Variants in CYP46A1 observed in about 807,000 individuals in gnomAD.
CYP46A1 encodes cholesterol 24-hydroxylase.
A neutral mutation model predicts 63.3 loss-of-function variants in CYP46A1; 20 were observed. The observed-to-expected ratio is 0.32, with a 90% CI of 0.22 to 0.46. CYP46A1 has a LOEUF of 0.46. Ranked by LOEUF, CYP46A1 falls within the 20% of genes least tolerant of loss-of-function variation. The pLI is 1.00. For missense variants in CYP46A1, 445 were observed against 670.8 expected, an observed-to-expected ratio of 0.66 and a Z score of 3.72; for synonymous variants, 268 against 273.6, an observed-to-expected ratio of 0.98 and a Z score of 0.20.
Position 99,722,690 on chromosome 14 carries a change from T to C in CYP46A1, c.1176+624T>C, listed in dbSNP as rs148260268. 2.6e-3 allele frequency among the ~76,000 whole-genome samples: 384 copies of C among 149,070 alleles called. 2 individuals are homozygous for C. The highest frequency in any genetic ancestry group is 9.0e-3 in the African/African-American group (371 of 41,034). On this transcript the variant is annotated intron_variant, in intron 12 of 14. Coordinates refer to ENST00000261835, the MANE Select transcript of CYP46A1 (RefSeq NM_006668.2). This position sits in a 1 kb window ranked among gnomAD's most constrained non-coding sequence, Gnocchi z 4.6. ...GTGTGTGTGTGTGTGCCTGTGTGCA[T>C]TCACGCAGTAATATATTGTAGGACT... is the stretch of plus-strand genomic sequence containing the variant.
chr14:99,686,015 T>A (rs1044186923), intron 1 of CYP46A1, among the ~76,000 whole-genome samples: 60 of 152,210 alleles, frequency 3.9e-4, no homozygotes, highest in African/African-American at 1.4e-3. Flanking sequence ...GGGCAATTAT[T>A]TGTGCAAGTT....
chr14:99,685,211 G>A (rs1022886617), intron 1 of CYP46A1, among the ~76,000 whole-genome samples: 6 of 150,802 alleles, frequency 4.0e-5, no homozygotes, highest in Non-Finnish European at 8.8e-5. Flanking sequence ...TGCATGGCCC[G>A]CGAGGCCCCT....
intron 5 of CYP46A1, among the ~76,000 whole-genome samples, chr14:99,700,900 T>A (rs888133533): frequency 6.6e-6 from 1 of 152,202 alleles, no homozygotes. Context: ...CCCTGAAGAC[T>A]TTCCAGTGAG....
chr14:99,712,998 G>A (rs1281438733), intron 7 of CYP46A1: 1 of 152,172 alleles, frequency 6.6e-6, no homozygotes, highest in Non-Finnish European at 1.5e-5. Flanking sequence ...ATATATTCAT[G>A]TATTTACAGG....
At chr14:99,700,760 A>G (rs892759876) in intron 5 of CYP46A1, among the ~76,000 whole-genome samples, 1 of 152,382 alleles carries the variant, frequency 6.6e-6, no homozygotes, top group East Asian at 1.9e-4. Flanking sequence ...ACATTCTTTT[A>G]GAATGGGTTC....
Position 99,722,678 on chromosome 14 carries a change from T to TGTGTGC in CYP46A1, c.1176+613_1176+614insTGTGCG, listed in dbSNP as rs1491237225. The stretch of plus-strand genomic sequence containing the variant: ...GTGTGTGTGTGTGTGTGTGTGTGTG[T>TGTGTGC]GCCTGTGTGCATTCACGCAGTAATA... On this transcript the variant is annotated intron_variant, in intron 12 of 14. Transcript: ENST00000261835. This position sits in a 1 kb window ranked among gnomAD's most constrained non-coding sequence, Gnocchi z 4.6. Among the ~76,000 whole-genome samples the TGTGTGC allele has an allele frequency of 2.0e-5, 3 of 150,138 alleles. No individual in the cohort carries two copies. Among genetic ancestry groups the TGTGTGC allele is most frequent in the African/African-American group, 5.0e-5 (2 of 40,136 alleles).
chr14:99,709,549 G>GT (rs1311162938), intron 7 of CYP46A1: 2 of 152,204 alleles, frequency 1.3e-5, no homozygotes, highest in African/African-American at 4.8e-5. Context: ...TGAGACAGCA[G>GT]TAAGTGACCA....
rs2140141222 is a variant in CYP46A1 at position 99,722,098 on chromosome 14, G to C, written c.1176+32G>C. On this transcript the variant is annotated intron_variant, in intron 12 of 14. Transcript: ENST00000261835. The surrounding 1 kb of genome is among the most constrained non-coding windows in gnomAD (Gnocchi z 4.6). Reference sequence around the variant, plus strand: ...GGAGGCCCTGGGGGTCCTGGGGTGGGCTGGGCTGCTTGCCCCAATGGTGGT... The same window carrying C: ...GGAGGCCCTGGGGGTCCTGGGGTGGCCTGGGCTGCTTGCCCCAATGGTGGT... 6.4e-7 allele frequency: 1 copy of C among 1,551,624 alleles called. No homozygotes were observed. Among genetic ancestry groups the C allele is most frequent in the Middle Eastern group, 1.7e-4 (1 of 5,752 alleles).
intron 7 of CYP46A1, among the ~76,000 whole-genome samples, chr14:99,713,597 G>A (rs1331079057): frequency 6.6e-6 from 1 of 151,900 alleles, no homozygotes; most frequent in African/African-American, 2.4e-5. Context: ...AGACAAACGT[G>A]GCCAGGCATG....
intron 12 of CYP46A1, among the ~76,000 whole-genome samples, chr14:99,724,194 C>T (rs139495975): frequency 5.9e-5 from 9 of 152,052 alleles, no homozygotes; most frequent in African/African-American, 1.4e-4. Context: ...CAAACACAGC[C>T]GCATTCTGAG....
chr14:99,691,216 C>G, intron 2 of CYP46A1, 55 bp downstream of exon 2: 1 of 1,552,736 alleles, frequency 6.4e-7, no homozygotes, highest in South Asian at 1.1e-5. Flanking sequence ...TGGGGCAGCT[C>G]CCCCAACCCA....
chr14:99,724,884 C>T (rs919632418), intron 12 of CYP46A1, among the ~76,000 whole-genome samples: 2 of 152,206 alleles, frequency 1.3e-5, no homozygotes, highest in Non-Finnish European at 2.9e-5. Context: ...ACTCAGGAGG[C>T]ACCACACGTG....
chr14:99,706,600 C>T (rs376007468), intron 5 of CYP46A1, 47 bp from the exon 6 acceptor site: 101 of 1,606,132 alleles, frequency 6.3e-5, no homozygotes, highest in Non-Finnish European at 8.2e-5. Flanking sequence ...GGCAGTCCAC[C>T]ATATTGGGCT....
chr14:99,712,614 A>G (rs2056744508), intron 7 of CYP46A1: 1 of 152,200 alleles, frequency 6.6e-6, no homozygotes, highest in Non-Finnish European at 1.5e-5. Flanking sequence ...TATACAAGGA[A>G]AACTACAAAA....
intron 1 of CYP46A1, among the ~76,000 whole-genome samples, chr14:99,684,954 C>T (rs918459518): frequency 6.6e-6 from 1 of 152,312 alleles, no homozygotes; most frequent in African/African-American, 2.4e-5. Context: ...TGGATTGGAG[C>T]ACGCTGTACT....
At chr14:99,723,842 C>T (rs1224753653) in intron 12 of CYP46A1, among the ~76,000 whole-genome samples, 4 of 152,192 alleles carry the variant, frequency 2.6e-5, no homozygotes, top group Non-Finnish European at 4.4e-5. Context: ...TTGTAACTAC[C>T]TGGAATTGAT....
At chr14:99,708,685 G>A (rs374155046) in intron 7 of CYP46A1, 13 of 154,924 alleles carry the variant, frequency 8.4e-5, no homozygotes, top group African/African-American at 2.4e-4. Flanking sequence ...ATGCCATCTG[G>A]AGGCCTGGGG....
chr14:99,705,746 GA>G (rs762926179), intron 5 of CYP46A1, among the ~76,000 whole-genome samples: 1 of 152,170 alleles, frequency 6.6e-6, no homozygotes, highest in Non-Finnish European at 1.5e-5. Flanking sequence ...CCAACATGGT[GA>G]AACCCTGTCT....
intron 12 of CYP46A1, among the ~76,000 whole-genome samples, chr14:99,724,981 A>C (rs1009645325): frequency 5.3e-5 from 8 of 152,120 alleles, no homozygotes; most frequent in African/African-American, 1.9e-4. Context: ...TGAATATAAC[A>C]GTTCTCGGGA....
Sources: allele counts gnomAD v4.1 joint callset (sites outside exome capture counted in the v4.1 genomes callset), GRCh38; gene constraint gnomAD v4.1.1; non-coding constraint Gnocchi (gnomAD v3.1); transcripts MANE v1.5; gene names NCBI Gene and HGNC (gene_info 2026-07-23, HGNC 2026-07-21).